The following UNC5D variants were observed in gnomAD, a reference collection of about 807,000 sequenced individuals.
UNC5D encodes the protein unc-5 netrin receptor D, also known as netrin receptor UNC5D.
In UNC5D, 39 loss-of-function variants were observed where a neutral mutation model predicts 105.4. The observed-to-expected ratio is 0.37, with a 90% CI of 0.29 to 0.48. The LOEUF is 0.48. Among genes scored for constraint, UNC5D ranks in the 20% least tolerant of loss-of-function variants. The pLI is 0.98. For synonymous variants in UNC5D, 452 were observed against 450.4 expected (o/e 1.00, Z -0.04); for missense variants, 991 against 1,202.4 (o/e 0.82, Z 2.60).
At chr8:35,315,221 T>TA (rs1337019268) in intron 1 of UNC5D, among the ~76,000 whole-genome samples, 3 of 152,140 alleles carry the variant, frequency 2.0e-5, no homozygotes, top group South Asian at 2.1e-4. Context: ...TTTTCTGCAT[T>TA]AAAAAAAATC....
At chr8:35,354,204 G>A (rs2128912373) in intron 1 of UNC5D, among the ~76,000 whole-genome samples, 1 of 152,180 alleles carries the variant, frequency 6.6e-6, no homozygotes, top group East Asian at 1.9e-4. Context: ...TGGGGTTCCA[G>A]TACGAATAAG....
chr8:35,469,708 A>C lies in UNC5D; in HGVS notation c.104-79584A>C, dbSNP rs918457488. Among the ~76,000 whole-genome samples, 3 of 152,216 alleles carry C rather than the reference A, an allele frequency of 2.0e-5. 1 individual carries two copies. Among genetic ancestry groups the C allele is most frequent in the African/African-American group, 7.2e-5 (3 of 41,458 alleles). On this transcript the variant is annotated intron_variant, in intron 1 of 16. Coordinates refer to ENST00000404895, the MANE Select transcript of UNC5D (RefSeq NM_080872.4). ...TGACTAAAGAAGGGCATTTAAGGAA[A>C]ACTACAACACATTTCCCCAGAAAGA...
At chr8:35,339,517 C>T (rs982744095) in intron 1 of UNC5D, among the ~76,000 whole-genome samples, 2 of 152,148 alleles carry the variant, frequency 1.3e-5, no homozygotes, top group Non-Finnish European at 2.9e-5. Flanking sequence ...TCCAGGGCAT[C>T]AAAAGGTGCA....
chr8:35,412,320 C>G (rs1805228541), intron 1 of UNC5D, among the ~76,000 whole-genome samples: 1 of 152,052 alleles, frequency 6.6e-6, no homozygotes, highest in Non-Finnish European at 1.5e-5. Flanking sequence ...GGTATTGGCT[C>G]TTCTGATCTG....
chr8:35,548,083 G>A (rs1330111809), intron 1 of UNC5D, among the ~76,000 whole-genome samples: 4 of 152,096 alleles, frequency 2.6e-5, no homozygotes, highest in South Asian at 2.1e-4. Context: ...CTGATTAGAT[G>A]GTACCCACCT....
chr8:35,492,109 T>TC (rs1356604886), intron 1 of UNC5D, among the ~76,000 whole-genome samples: 7 of 151,896 alleles, frequency 4.6e-5, no homozygotes, highest in Non-Finnish European at 1.0e-4. Flanking sequence ...TTTTTTTTTT[T>TC]CCCTGCCTTT....
chr8:35,542,352 T>A (rs948519206), intron 1 of UNC5D, among the ~76,000 whole-genome samples: 1 of 152,204 alleles, frequency 6.6e-6, no homozygotes, highest in Non-Finnish European at 1.5e-5. Flanking sequence ...GTATTCTCTT[T>A]TAGATTATGT....
At chr8:35,500,022 T>C (rs1811865949) in intron 1 of UNC5D, among the ~76,000 whole-genome samples, 1 of 152,204 alleles carries the variant, frequency 6.6e-6, no homozygotes, top group Non-Finnish European at 1.5e-5. Flanking sequence ...CTAAACAGTA[T>C]TGAACAACAA....
At chr8:35,525,267 A>G in intron 1 of UNC5D, 1 of 1,612,068 alleles carries the variant, frequency 6.2e-7, no homozygotes, top group Non-Finnish European at 8.5e-7. Flanking sequence ...ATGTTTTTCA[A>G]CTATTTTGCG....
At chr8:35,650,680 CAGG>C (rs1402316743) in intron 4 of UNC5D, among the ~76,000 whole-genome samples, 6 of 151,966 alleles carry the variant, frequency 3.9e-5, no homozygotes, top group African/African-American at 2.4e-5. Flanking sequence ...CTATATTTGC[CAGG>C]CTGGTCTCAA....
intron 16 of UNC5D, among the ~76,000 whole-genome samples, chr8:35,781,506 C>A (rs1802502100): frequency 6.6e-6 from 1 of 152,046 alleles, no homozygotes; most frequent in South Asian, 2.1e-4. Flanking sequence ...AAAAGACAGG[C>A]ATGCCAAAAC....
At chr8:35,294,450 C>A (rs1383626092) in intron 1 of UNC5D, among the ~76,000 whole-genome samples, 1 of 152,088 alleles carries the variant, frequency 6.6e-6, no homozygotes, top group Non-Finnish European at 1.5e-5. Flanking sequence ...AAAGACAAAT[C>A]ACTTTCTAAA....
chr8:35,475,005 G>T (rs1809986084), intron 1 of UNC5D, among the ~76,000 whole-genome samples: 1 of 152,122 alleles, frequency 6.6e-6, no homozygotes. Context: ...AAAAGGAAAT[G>T]GGGGTTGATT....
intron 11 of UNC5D, among the ~76,000 whole-genome samples, chr8:35,733,992 T>G (rs533794891): frequency 7.9e-5 from 12 of 152,234 alleles, no homozygotes; most frequent in Non-Finnish European, 1.5e-4. Context: ...GTGATTTTTT[T>G]TTTTCCTCCT....
At chr8:35,275,600 G>A (rs1174359719) in intron 1 of UNC5D, among the ~76,000 whole-genome samples, 1 of 152,124 alleles carries the variant, frequency 6.6e-6, no homozygotes, top group African/African-American at 2.4e-5. Flanking sequence ...ATTTGTGGAA[G>A]CCCGGTTGTA....
intron 1 of UNC5D, among the ~76,000 whole-genome samples, chr8:35,472,433 G>T (rs1031885621): frequency 1.3e-5 from 2 of 152,076 alleles, no homozygotes; most frequent in Non-Finnish European, 1.5e-5. Context: ...CAAAAAAAAA[G>T]CCTATTCAGA....
Position 35,760,773 on chromosome 8 carries a change from ATT to A in UNC5D, c.2313+1317_2313+1318del, listed in dbSNP as rs113961033. 2.3e-3 allele frequency among the ~76,000 whole-genome samples: 329 copies of A among 142,906 alleles called. 3 individuals carry two copies. Among genetic ancestry groups the A allele is most frequent in the African/African-American group, 7.9e-3 (310 of 39,438 alleles). 93.8% of individuals were successfully genotyped at this position (142,906 alleles called of 152,430 possible). ...TTTTGTAACCTTCCATCCTTGCAGCATTTTTTTTTTTTTTAACTATAGACAGG... is the reference window on the plus strand; with the variant it reads ...TTTTGTAACCTTCCATCCTTGCAGCATTTTTTTTTTTTAACTATAGACAGG... On this transcript the variant is annotated intron_variant, in intron 14 of 16. Transcript: ENST00000404895.
intron 4 of UNC5D, among the ~76,000 whole-genome samples, chr8:35,596,031 C>T (rs934714311): frequency 2.6e-5 from 4 of 152,184 alleles, no homozygotes; most frequent in African/African-American, 7.2e-5. Context: ...CATGAAAAAG[C>T]CCATAGGAAA....
chr8:35,584,240 G>T (rs993274211), intron 3 of UNC5D, among the ~76,000 whole-genome samples: 7 of 152,140 alleles, frequency 4.6e-5, no homozygotes, highest in African/African-American at 1.4e-4. Flanking sequence ...CAGCACCCAT[G>T]AGTGAATACA....
Sources: gnomAD v4.1 joint callset for allele counts (sites outside exome capture counted in the v4.1 genomes callset) on GRCh38, gnomAD v4.1.1 for gene constraint, MANE v1.5 for transcripts, NCBI Gene and HGNC (gene_info 2026-07-23, HGNC 2026-07-21) for gene names.